The following PTPRD variants were observed in gnomAD, a reference collection of about 807,000 sequenced individuals.
The protein encoded by PTPRD is protein tyrosine phosphatase receptor type D.
PTPRD carries 34 observed loss-of-function variants against 214.5 expected under a neutral mutation model. That is an observed-to-expected ratio of 0.16 (90% CI 0.12 to 0.21). The LOEUF is 0.21. Ranked by LOEUF, PTPRD falls within the 10% of genes least tolerant of loss-of-function variation. The pLI, the probability that PTPRD is intolerant of heterozygous loss-of-function variation, is 1.00. For synonymous variants in PTPRD, 1,128 were observed against 845.7 expected (o/e 1.33, Z -5.79); for missense variants, 2,545 against 2,398.7 (o/e 1.06, Z -1.27).
intron 11 of PTPRD, among the ~76,000 whole-genome samples, chr9:8,855,902 A>G (rs1195800806): frequency 2.6e-5 from 4 of 152,206 alleles, no homozygotes; most frequent in Non-Finnish European, 5.9e-5. Flanking sequence ...CCAGCTTGTC[A>G]ATTTCACACT....
chr9:9,616,605 A>G (rs1456380761), intron 7 of PTPRD, among the ~76,000 whole-genome samples: 1 of 152,180 alleles, frequency 6.6e-6, no homozygotes, highest in Non-Finnish European at 1.5e-5. Context: ...GAGGGCTGCT[A>G]AGAGTTTTAA....
chr9:9,470,313 T>G (rs1481545860), intron 8 of PTPRD, among the ~76,000 whole-genome samples: 1 of 152,330 alleles, frequency 6.6e-6, no homozygotes, highest in East Asian at 1.9e-4. Flanking sequence ...CATCTTCATC[T>G]TGAAGTACTG....
chr9:9,889,415 A>C lies in PTPRD; in HGVS notation c.-368+49092T>G, dbSNP rs117020519. Among the ~76,000 whole-genome samples, 42 of 152,272 alleles carry C rather than the reference A, an allele frequency of 2.8e-4. No individual in the cohort carries two copies. The East Asian group carries it at 7.9e-3, about 29-fold the overall frequency. On this transcript the variant is annotated intron_variant, in intron 5 of 45. Transcript: ENST00000381196. The stretch of plus-strand genomic sequence containing the variant: ...TTTCAATTAAAAAATACAAATTTAA[A>C]AGTATTTAAATAAATATAGAAGTCC...
At chr9:8,907,472 C>T (rs983407770) in intron 11 of PTPRD, among the ~76,000 whole-genome samples, 15 of 138,410 alleles carry the variant, frequency 1.1e-4, no homozygotes, top group African/African-American at 2.2e-4. Flanking sequence ...GAGCTGAGAT[C>T]GTGCTACTGC....
At chr9:8,929,121 A>C (rs753342937) in intron 11 of PTPRD, among the ~76,000 whole-genome samples, 5 of 152,154 alleles carry the variant, frequency 3.3e-5, no homozygotes, top group African/African-American at 9.7e-5. Context: ...ATATACAATC[A>C]TGTCATCTGC....
intron 8 of PTPRD, among the ~76,000 whole-genome samples, chr9:9,547,551 G>A (rs562635211): frequency 6.6e-6 from 1 of 152,070 alleles, no homozygotes; most frequent in East Asian, 1.9e-4. Context: ...TGCATGTAGA[G>A]TGTGTGATTC....
chr9:10,260,940 G>A (rs1033276304), intron 3 of PTPRD, among the ~76,000 whole-genome samples: 1 of 149,972 alleles, frequency 6.7e-6, no homozygotes, highest in African/African-American at 2.5e-5. Context: ...ATATTATTTA[G>A]GGCATATATA....
intron 11 of PTPRD, among the ~76,000 whole-genome samples, chr9:8,841,545 C>T (rs771451024): frequency 1.3e-5 from 2 of 151,858 alleles, no homozygotes; most frequent in African/African-American, 2.4e-5. Flanking sequence ...AAATACAATC[C>T]CCTACCCCAA....
At chr9:10,157,011 G>C (rs1407357930) in intron 3 of PTPRD, among the ~76,000 whole-genome samples, 1 of 152,066 alleles carries the variant, frequency 6.6e-6, no homozygotes, top group African/African-American at 2.4e-5. Flanking sequence ...TTTATTTTGA[G>C]ACTATGAGTG....
chr9:9,015,355 A>C (rs1319806191), intron 11 of PTPRD, among the ~76,000 whole-genome samples: 1 of 152,162 alleles, frequency 6.6e-6, no homozygotes, highest in African/African-American at 2.4e-5. Flanking sequence ...CACCAAAACC[A>C]AGATGGCCAC....
chr9:9,995,028 A>T (rs979868675), intron 4 of PTPRD, among the ~76,000 whole-genome samples: 1 of 152,144 alleles, frequency 6.6e-6, no homozygotes, highest in African/African-American at 2.4e-5. Context: ...TGAGTTTATT[A>T]AGTTTAAGCT....
chr9:9,229,212 T>C (rs113279137), intron 9 of PTPRD, among the ~76,000 whole-genome samples: 6 of 152,292 alleles, frequency 3.9e-5, no homozygotes, highest in South Asian at 4.1e-4. Context: ...GGTATTATCC[T>C]TCTATTCTTA....
At chr9:10,273,796 T>C (rs2094539185) in intron 3 of PTPRD, among the ~76,000 whole-genome samples, 1 of 152,028 alleles carries the variant, frequency 6.6e-6, no homozygotes, top group Admixed American at 6.6e-5. Flanking sequence ...GGTAGTAGCA[T>C]ACCATAAAGG....
intron 7 of PTPRD, among the ~76,000 whole-genome samples, chr9:9,613,676 T>G (rs916179030): frequency 1.3e-5 from 2 of 152,170 alleles, no homozygotes; most frequent in African/African-American, 4.8e-5. Context: ...TCTTACTCAT[T>G]TCTACAGTAA....
chr9:10,124,303 T>C (rs2098798962), intron 3 of PTPRD, among the ~76,000 whole-genome samples: 1 of 152,230 alleles, frequency 6.6e-6, no homozygotes, highest in Non-Finnish European at 1.5e-5. Context: ...AAAAAGGTAT[T>C]ACTTTATTTT....
intron 8 of PTPRD, among the ~76,000 whole-genome samples, chr9:9,478,115 T>C (rs1199868793): frequency 7.0e-6 from 1 of 141,946 alleles, no homozygotes; most frequent in Non-Finnish European, 1.5e-5. Flanking sequence ...TTTTAGATTA[T>C]GCGTAAACCT....
chr9:9,543,224 C>G (rs1479482022), intron 8 of PTPRD, among the ~76,000 whole-genome samples: 1 of 151,536 alleles, frequency 6.6e-6, no homozygotes. Flanking sequence ...TTTAAGATTC[C>G]ATTTACATGA....
intron 3 of PTPRD, among the ~76,000 whole-genome samples, chr9:10,327,554 G>C (rs1264571662): frequency 6.6e-6 from 1 of 151,630 alleles, no homozygotes; most frequent in African/African-American, 2.4e-5. Flanking sequence ...ATTGGGTTTG[G>C]AAACCGTTTC....
At chr9:10,115,318 T>A (rs2098721864) in intron 3 of PTPRD, among the ~76,000 whole-genome samples, 1 of 152,088 alleles carries the variant, frequency 6.6e-6, no homozygotes, top group African/African-American at 2.4e-5. Context: ...TTTATTGAAT[T>A]ATAGAGAGTC....
Sources: allele counts gnomAD v4.1 joint callset (sites outside exome capture counted in the v4.1 genomes callset), GRCh38; gene constraint gnomAD v4.1.1; transcripts MANE v1.5; gene names NCBI Gene and HGNC (gene_info 2026-07-23, HGNC 2026-07-21).